Variants in EP400 observed in about 807,000 individuals in gnomAD.
EP400 encodes the protein E1A-binding protein p400.
A neutral mutation model predicts 354.1 loss-of-function variants in EP400; 105 were observed. The ratio of observed to expected loss-of-function variants is 0.30; its 90% CI spans 0.25 to 0.35. EP400 has a LOEUF of 0.35. Ranked by LOEUF, EP400 falls within the 10% of genes least tolerant of loss-of-function variation. EP400 has a pLI of 1.00. For missense variants in EP400, 3,280 were observed against 4,121.0 expected (o/e 0.80, Z 5.59); for synonymous variants, 1,646 against 1,716.9 (o/e 0.96, Z 1.02).
At position 132,044,836 on chromosome 12, in the gene EP400, G is replaced by A. The variant is rs181826610; in HGVS notation, c.6667G>A (p.Asp2223Asn). 1.8e-5 allele frequency: 29 copies of A among 1,614,136 alleles called. No individual in the cohort carries two copies. The highest frequency in any genetic ancestry group is 4.0e-5 in the African/African-American group (3 of 75,024). ...TPPTPPQDDS[D>N]IYLDSVMCLM... is the part of the protein sequence containing the mutation. ...ACCCACCCCGCCGCAGGACGACAGC[G>A]ACATCTACCTCGACTCGGTCATGTG... Residue 2223 changes from aspartate to asparagine, a missense_variant, in exon 37 of 53, where the codon GAC (aspartate) becomes AAC (asparagine). This residue lies in a region of EP400 where 231 missense variants were observed against 257.9 expected (regional missense o/e 0.90). Coordinates refer to ENST00000389561, the MANE Select transcript of EP400 (RefSeq NM_015409.5).
chr12:132,046,756 C>G (rs541101152), intron 39 of EP400, among the ~76,000 whole-genome samples: 43 of 152,340 alleles, frequency 2.8e-4, no homozygotes, highest in African/African-American at 9.6e-4. Flanking sequence ...TGCTGCTTGC[C>G]TGCCTTTCTC....
intron 39 of EP400, among the ~76,000 whole-genome samples, chr12:132,047,880 A>G (rs1895160280): frequency 6.7e-6 from 1 of 149,868 alleles, no homozygotes; most frequent in Non-Finnish European, 1.5e-5. Context: ...CAAAGCGGCC[A>G]TTTCAGAGGC....
intron 15 of EP400, among the ~76,000 whole-genome samples, chr12:132,009,826 G>A (rs1192443803): frequency 7.1e-6 from 1 of 141,822 alleles, no homozygotes; most frequent in African/African-American, 2.8e-5. Flanking sequence ...ACCACGCCTG[G>A]CTAATTTTTT....
At chr12:132,051,678 A>T (rs7954408) in intron 41 of EP400, among the ~76,000 whole-genome samples, 1 of 152,070 alleles carries the variant, frequency 6.6e-6, no homozygotes, top group East Asian at 1.9e-4. Context: ...ACATGAAGGC[A>T]GACTAGGAGT....
chr12:132,076,356 T>G lies in EP400; in HGVS notation c.9022-160T>G, dbSNP rs994383442. 27 of 744,090 alleles carry G rather than the reference T, an allele frequency of 3.6e-5. No homozygotes were observed. In the East Asian group the frequency reaches 7.0e-4, roughly 19 times the overall value. The allele number at this position is 744,090 out of a possible 1,614,324, so 46.1% of individuals were successfully genotyped here. On this transcript the variant is annotated intron_variant, in intron 51 of 52. Transcript: ENST00000389561. Reference sequence around the variant, plus strand: ...CTCACCATGCAGTGGAACGACTTGCTCTCTCACTGCTGCAGGTGGGCACAC... The same window carrying G: ...CTCACCATGCAGTGGAACGACTTGCGCTCTCACTGCTGCAGGTGGGCACAC...
intron 32 of EP400, among the ~76,000 whole-genome samples, chr12:132,039,217 TAGTC>T (rs768996433): frequency 1.3e-5 from 2 of 152,228 alleles, no homozygotes; most frequent in African/African-American, 2.4e-5. Context: ...ATGACTCTCT[TAGTC>T]TGTCTGTGTT....
chr12:131,986,702 C>T lies in EP400; in HGVS notation c.2118C>T (p.Thr706=). The T allele has an allele frequency of 1.9e-6, 3 of 1,614,198 alleles. No homozygotes were observed. Among genetic ancestry groups the T allele is most frequent in the Non-Finnish European group, 2.5e-6 (3 of 1,180,044 alleles). ...CACTATCTCCAGTCACTTCCCGGAC[C>T]CCAGGGGTGGTGGCATCTGCCCCCA... ...NKALSPVTSR[T]PGVVASAPTK... The change falls in exon 6 of 53, where the codon ACC becomes ACT. Residue 706 remains threonine, a synonymous_variant. Coordinates refer to ENST00000389561, the MANE Select transcript of EP400 (RefSeq NM_015409.5).
At chr12:131,978,387 A>G (rs939272943) in intron 2 of EP400, among the ~76,000 whole-genome samples, 1 of 151,756 alleles carries the variant, frequency 6.6e-6, no homozygotes, top group African/African-American at 2.4e-5. Flanking sequence ...GTGCTCACCT[A>G]TTCACCTCCT....
intron 12 of EP400, among the ~76,000 whole-genome samples, chr12:132,002,847 T>G (rs1893462766): frequency 1.2e-4 from 19 of 152,180 alleles, no homozygotes; most frequent in Admixed American, 1.2e-3. Flanking sequence ...TCGAGCTGAA[T>G]CCATGAGCAG....
At chr12:132,049,177 C>A (rs1159129743) in intron 39 of EP400, among the ~76,000 whole-genome samples, 1 of 152,228 alleles carries the variant, frequency 6.6e-6, no homozygotes, top group Non-Finnish European at 1.5e-5. Flanking sequence ...GCAAGCCATG[C>A]GGGGCGGGGC....
chr12:132,044,691 C>G lies in EP400; in HGVS notation c.6606C>G (p.Val2202=). Residue 2202 remains valine (V), a synonymous_variant, in exon 36 of 53, where the codon GTC becomes GTG. Coordinates refer to ENST00000389561, the MANE Select transcript of EP400 (RefSeq NM_015409.5). ...AYSMEYVYED[V]DGQTEVMPLW... ...TACAGGAGTATGTCTACGAAGATGTCGATGGGCAGACAGAAGTCATGCCGG... is the reference window on the plus strand; with the variant it reads ...TACAGGAGTATGTCTACGAAGATGTGGATGGGCAGACAGAAGTCATGCCGG... 1 of 1,614,164 alleles carries G rather than the reference C, an allele frequency of 6.2e-7. No individual in the cohort carries two copies. The highest frequency in any genetic ancestry group is 8.5e-7 in the Non-Finnish European group (1 of 1,180,042).
At chr12:132,047,025 C>T (rs1315525882) in intron 39 of EP400, among the ~76,000 whole-genome samples, 2 of 152,222 alleles carry the variant, frequency 1.3e-5, no homozygotes, top group Non-Finnish European at 2.9e-5. Context: ...ATTGTATTTA[C>T]TTTTGTTCCT....
intron 1 of EP400, among the ~76,000 whole-genome samples, chr12:131,955,431 C>T (rs531876994): frequency 6.7e-6 from 1 of 148,910 alleles, no homozygotes; most frequent in African/African-American, 2.5e-5. Context: ...TACAGGTGCG[C>T]ACCACCATGC....
At chr12:131,958,783 G>C (rs1566159490) in intron 1 of EP400, among the ~76,000 whole-genome samples, 1 of 152,156 alleles carries the variant, frequency 6.6e-6, no homozygotes, top group Non-Finnish European at 1.5e-5. Context: ...AGCCTCCCCA[G>C]GTGCTGGCAT....
chr12:132,028,255 G>T lies in EP400; in HGVS notation c.5348G>T (p.Arg1783Leu). ...SPSELMLTLC[R>L]CGESLQDVID... ...AGTGAGCTGATGTTGACGCTTTGTC[G>T]GTGTGGAGAGTCTCTGCAGGATGTT... Residue 1783 changes from arginine (R) to leucine (L), a missense_variant, in exon 27 of 53, where the codon CGG becomes CTG. Around this residue, in one of 20 missense-constraint regions of EP400, gnomAD observed 459 missense variants for 496.9 expected, o/e 0.92. Transcript: ENST00000389561. The T allele has an allele frequency of 6.2e-7, 1 of 1,614,124 alleles. No homozygotes were observed. The highest frequency in any genetic ancestry group is 8.5e-7 in the Non-Finnish European group (1 of 1,179,996).
chr12:132,067,261 TTTG>T lies in EP400; in HGVS notation c.8750-98_8750-96del, dbSNP rs1895921726. 6.0e-6 allele frequency: 9 copies of T among 1,495,810 alleles called. No individual in the cohort carries two copies. The highest frequency in any genetic ancestry group is 7.2e-6 in the Non-Finnish European group (8 of 1,111,074). 92.7% of individuals were successfully genotyped at this position (1,495,810 alleles called of 1,614,324 possible). The stretch of plus-strand genomic sequence containing the variant: ...TACTTGTCTCCATAGAGTTTCATAG[TTTG>T]TTATTTTCTGTAGAGGTGAGTCAGT... On this transcript the variant is annotated intron_variant, in intron 49 of 52. Coordinates refer to ENST00000389561, the MANE Select transcript of EP400 (RefSeq NM_015409.5). This position sits in a 1 kb window ranked among gnomAD's most constrained non-coding sequence, Gnocchi z 5.3.
At position 131,984,654 on chromosome 12, in the gene EP400, C is replaced by T. The variant is rs907972760; in HGVS notation, c.1930-1860C>T. 3.9e-5 allele frequency among the ~76,000 whole-genome samples: 6 copies of T among 152,190 alleles called. No individual in the cohort carries two copies. In the South Asian group the frequency reaches 6.2e-4, roughly 16 times the overall value. ...TTTTTCTTAGATTTAATTTACCTGC[C>T]TGTGTTACTGAAAAACTCAGCTGTG... is the stretch of plus-strand genomic sequence containing the variant. On this transcript the variant is annotated intron_variant, in intron 5 of 52. Coordinates refer to ENST00000389561, the MANE Select transcript of EP400 (RefSeq NM_015409.5).
intron 12 of EP400, among the ~76,000 whole-genome samples, chr12:131,996,295 CTTTT>C (rs575217796): frequency 7.8e-6 from 1 of 128,236 alleles, no homozygotes. Flanking sequence ...GGAAGGAACT[CTTTT>C]TTTTTTTTTT....
At chr12:131,962,907 T>C (rs1348603014) in intron 2 of EP400, among the ~76,000 whole-genome samples, 5 of 152,268 alleles carry the variant, frequency 3.3e-5, no homozygotes, top group African/African-American at 7.2e-5. Context: ...GCTAGTCTCT[T>C]TGCTCAAGCA....
Sources: allele counts gnomAD v4.1 joint callset (sites outside exome capture counted in the v4.1 genomes callset), GRCh38; gene constraint gnomAD v4.1.1; regional missense constraint gnomAD v4.1.1; non-coding constraint Gnocchi (gnomAD v3.1); transcripts MANE v1.5; gene names NCBI Gene and HGNC (gene_info 2026-07-23, HGNC 2026-07-21).